The following SATB1 variants were observed in gnomAD, a reference collection of about 807,000 sequenced individuals.
The protein encoded by SATB1 is SATB homeobox 1, also known as DNA-binding protein SATB1.
In SATB1, 11 loss-of-function variants were observed where a neutral mutation model predicts 86.9. The ratio of observed to expected loss-of-function variants is 0.13; its 90% CI spans 0.08 to 0.21. The LOEUF is 0.21. Among genes scored for constraint, SATB1 ranks in the 10% least tolerant of loss-of-function variants. The pLI is 1.00. For synonymous variants in SATB1, 357 were observed against 357.2 expected, an observed-to-expected ratio of 1.00 and a Z score of 0.01; for missense variants, 551 against 937.6, an observed-to-expected ratio of 0.59 and a Z score of 5.39.
chr3:18,429,986 A>C (rs1698837604), upstream of SATB1, among the ~76,000 whole-genome samples: 2 of 152,218 alleles, frequency 1.3e-5, no homozygotes, highest in Non-Finnish European at 2.9e-5. The surrounding 1 kb of genome is among the most constrained non-coding windows in gnomAD (Gnocchi z 4.1). Flanking sequence ...AATTGCATTG[A>C]CAGTTTTTTA....
At chr3:18,366,266 G>A (rs1029653045) in intron 9 of SATB1, among the ~76,000 whole-genome samples, 4 of 150,978 alleles carry the variant, frequency 2.6e-5, no homozygotes, top group African/African-American at 7.3e-5. Flanking sequence ...TTTTTTTCAA[G>A]GTATTCTCTC....
In SATB1 at chr3:18,423,916, T is replaced by C. The variant is rs1333210826; in HGVS notation, c.-314A>G. ...AAAAATCACAATTCGAAAACCAACA[T>C]ATAGGGGTTTGTAAAATGTCTAACC... On this transcript the variant is annotated 5_prime_UTR_variant, in exon 1 of 11. The change creates a new upstream start codon in the 5' untranslated region. Transcript: ENST00000338745. The C allele has an allele frequency of 1.3e-5, 2 of 150,776 alleles. No individual in the cohort carries two copies. Among genetic ancestry groups the C allele is most frequent in the African/African-American group, 2.4e-5 (1 of 40,956 alleles). 9.3% of individuals were successfully genotyped at this position (150,776 alleles called of 1,614,324 possible).
chr3:18,349,650 C>T lies in SATB1; in HGVS notation c.1812G>A (p.Gln604=), dbSNP rs1247352627. ...GTGGAGGCGGCGGTGCCTGCTGCTG[C>T]TGCTGCTGCTGTTGCTGTTGCTGCT... The part of the protein sequence containing the change: ...QQQQQQQQQQ[Q]QQQAPPPPQP... The change falls in exon 11 of 11, where the codon CAG becomes CAA. Residue 604 remains glutamine, a synonymous_variant. Transcript: ENST00000338745. The surrounding 1 kb of genome is among the most constrained non-coding windows in gnomAD (Gnocchi z 5.5). The T allele has an allele frequency of 1.9e-6, 3 of 1,611,092 alleles. No individual in the cohort carries two copies. Among genetic ancestry groups the T allele is most frequent in the Non-Finnish European group, 2.5e-6 (3 of 1,179,032 alleles).
At chr3:18,413,916 A>G (rs1697991972) in intron 5 of SATB1, among the ~76,000 whole-genome samples, 1 of 152,118 alleles carries the variant, frequency 6.6e-6, no homozygotes, top group Non-Finnish European at 1.5e-5. Context: ...TCTGAAATGC[A>G]TGGAGTTTCT....
rs1698533149 is a variant in SATB1 at position 18,424,078 on chromosome 3, T to C, written c.-476A>G. ...GCAAAACCCGTTATGAGCTGTACACTGTGATGGTGCTGGGGAAACGACGTG... is the reference window on the plus strand; with the variant it reads ...GCAAAACCCGTTATGAGCTGTACACCGTGATGGTGCTGGGGAAACGACGTG... On this transcript the variant is annotated 5_prime_UTR_variant, in exon 1 of 11. Coordinates refer to ENST00000338745, the MANE Select transcript of SATB1 (RefSeq NM_002971.6). 6.6e-6 allele frequency: 1 copy of C among 151,560 alleles called. No individual in the cohort carries two copies. Among genetic ancestry groups the C allele is most frequent in the Non-Finnish European group, 1.5e-5 (1 of 67,962 alleles). The allele number at this position is 151,560 out of a possible 1,614,324, so 9.4% of individuals were successfully genotyped here. A position where few individuals can be genotyped will look rare whatever the true frequency, so the allele number is the denominator to read the frequency against.
intron 2 of SATB1, among the ~76,000 whole-genome samples, chr3:18,417,989 A>G (rs1205553276): frequency 2.0e-5 from 3 of 152,190 alleles, no homozygotes; most frequent in Admixed American, 2.0e-4. Flanking sequence ...CTAGAAATTG[A>G]TATTACGGAA....
chr3:18,416,854 A>T (rs769567632), intron 3 of SATB1, 48 bp downstream of exon 3: 3 of 1,512,994 alleles, frequency 2.0e-6, no homozygotes, highest in Non-Finnish European at 2.7e-6. Context: ...TGCAAGGTAA[A>T]CAAAGAATGC....
At chr3:18,410,683 G>A in intron 5 of SATB1, 1 of 194,740 alleles carries the variant, frequency 5.1e-6, no homozygotes. Flanking sequence ...AAATTTCATA[G>A]ATTAGACTCT....
intron 6 of SATB1, among the ~76,000 whole-genome samples, chr3:18,395,950 G>A (rs1007273964): frequency 1.3e-5 from 2 of 152,208 alleles, no homozygotes; most frequent in African/African-American, 4.8e-5. Context: ...CTTCCCACAT[G>A]TAGACTCTAG....
chr3:18,396,143 C>A (rs1696953796), intron 6 of SATB1, among the ~76,000 whole-genome samples: 1 of 152,046 alleles, frequency 6.6e-6, no homozygotes, highest in African/African-American at 2.4e-5. Context: ...GTAATTCAAG[C>A]AATTATTCCA....
At position 18,352,374 on chromosome 3, in the gene SATB1, G is replaced by A. The variant is rs186625928; in HGVS notation, c.1576-179C>T. 912 of 578,562 alleles carry A rather than the reference G, an allele frequency of 1.6e-3. 2 individuals are homozygous for A. Among genetic ancestry groups the A allele is most frequent in the Non-Finnish European group, 2.5e-3 (803 of 326,940 alleles). The allele number at this position is 578,562 out of a possible 1,614,324, so 35.8% of individuals were successfully genotyped here. A position where few individuals can be genotyped will look rare whatever the true frequency, so the allele number is the denominator to read the frequency against. ...GAGGTTATCTGTGGCTGTCAAGGAG[G>A]CAGACTCTGTTTCTAATCAAAGTTC... On this transcript the variant is annotated intron_variant, in intron 9 of 10. Transcript: ENST00000338745. This position sits in a 1 kb window ranked among gnomAD's most constrained non-coding sequence, Gnocchi z 4.1.
chr3:18,427,597 A>G (rs1024079180), upstream of SATB1, among the ~76,000 whole-genome samples: 10 of 152,252 alleles, frequency 6.6e-5, no homozygotes, highest in African/African-American at 2.4e-4. Context: ...GAAATAAATA[A>G]GACAAAATGC....
At chr3:18,406,810 T>A (rs997660120) in intron 5 of SATB1, among the ~76,000 whole-genome samples, 1 of 152,044 alleles carries the variant, frequency 6.6e-6, no homozygotes, top group Admixed American at 6.6e-5. Flanking sequence ...AGGAAAATAT[T>A]TCATAAGATA....
At chr3:18,384,749 A>G (rs1337791115) in intron 8 of SATB1, among the ~76,000 whole-genome samples, 2 of 152,150 alleles carry the variant, frequency 1.3e-5, no homozygotes, top group African/African-American at 4.8e-5. Context: ...CTTAGAAGTC[A>G]TATTTTTTAT....
At position 18,349,850 on chromosome 3, in the gene SATB1, A is replaced by G. The variant is rs576903797; in HGVS notation, c.1780-168T>C. 1 of 1,228,582 alleles carries G rather than the reference A, an allele frequency of 8.1e-7. No homozygotes were observed. Among genetic ancestry groups the G allele is most frequent in the African/African-American group, 1.5e-5 (1 of 65,544 alleles). 76.1% of individuals were successfully genotyped at this position (1,228,582 alleles called of 1,614,324 possible). On this transcript the variant is annotated intron_variant, in intron 10 of 10. Coordinates refer to ENST00000338745, the MANE Select transcript of SATB1 (RefSeq NM_002971.6). This position sits in a 1 kb window ranked among gnomAD's most constrained non-coding sequence, Gnocchi z 5.5. ...GGCGAAATGGCCGACAGCATTTACA[A>G]AAAAATCAAAATGATATGACTAGGA...
chr3:18,415,003 C>T (rs1006734145), intron 5 of SATB1, 108 bp downstream of exon 5: 4 of 1,303,568 alleles, frequency 3.1e-6, no homozygotes, highest in Non-Finnish European at 4.3e-6. Flanking sequence ...GCATTTTTGG[C>T]AGATTCTTGC....
rs536842874 is a variant in SATB1, at chr3:18,420,080, A to C, written c.211+677T>G. Among the ~76,000 whole-genome samples, 3 of 152,340 alleles carry C rather than the reference A, an allele frequency of 2.0e-5. No homozygotes were observed. The South Asian group carries it at 6.2e-4, about 32-fold the overall frequency. On this transcript the variant is annotated intron_variant, in intron 2 of 10. Coordinates refer to ENST00000338745, the MANE Select transcript of SATB1 (RefSeq NM_002971.6). Reference sequence around the variant, plus strand: ...CACATGCATTACACCCAGGGTAGGCACTGCTTTACAGGAACAACACTGTTA... The same window carrying C: ...CACATGCATTACACCCAGGGTAGGCCCTGCTTTACAGGAACAACACTGTTA...
intron 2 of SATB1, among the ~76,000 whole-genome samples, chr3:18,435,892 T>C (rs1699041592): frequency 6.6e-6 from 1 of 152,162 alleles, no homozygotes; most frequent in Non-Finnish European, 1.5e-5. Flanking sequence ...AGAATGTGCA[T>C]GATAATGTAA....
rs1694002285 is a variant in SATB1, at chr3:18,345,390, T to C, written c.*3780A>G. 6.6e-6 allele frequency: 1 copy of C among 152,098 alleles called. No homozygotes were observed. Among genetic ancestry groups the C allele is most frequent in the Admixed American group, 6.6e-5 (1 of 15,256 alleles). 9.4% of individuals were successfully genotyped at this position (152,098 alleles called of 1,614,324 possible). On this transcript the variant is annotated 3_prime_UTR_variant, in exon 11 of 11. Transcript: ENST00000338745. ...ATGTGGCTCATCTTTTAAACATTAATTTCAAACTATTTTTATTTAACATTT... is the reference window on the plus strand; with the variant it reads ...ATGTGGCTCATCTTTTAAACATTAACTTCAAACTATTTTTATTTAACATTT...
Sources: gnomAD v4.1 joint callset for allele counts (sites outside exome capture counted in the v4.1 genomes callset) on GRCh38, gnomAD v4.1.1 for gene constraint, Gnocchi (gnomAD v3.1) non-coding constraint, MANE v1.5 for transcripts, NCBI Gene and HGNC (gene_info 2026-07-23, HGNC 2026-07-21) for gene names.